Variants in ADCY8 observed in about 807,000 individuals in gnomAD.
The protein encoded by ADCY8 is adenylate cyclase type 8.
In ADCY8, 51 loss-of-function variants were observed where a neutral mutation model predicts 119.7. That is an observed-to-expected ratio of 0.43 (90% CI 0.34 to 0.54). The LOEUF (loss-of-function observed/expected upper bound fraction) is 0.54, where lower values mean the gene tolerates loss of function less well. Ranked by LOEUF, ADCY8 falls within the 20% of genes least tolerant of loss-of-function variation. ADCY8 has a pLI of 0.03. For synonymous variants in ADCY8, 665 were observed against 651.0 expected (o/e 1.02, Z -0.33); for missense variants, 1,383 against 1,598.8 (o/e 0.87, Z 2.30).
At chr8:131,021,170 G>A (rs1324494915) in intron 1 of ADCY8, among the ~76,000 whole-genome samples, 1 of 152,108 alleles carries the variant, frequency 6.6e-6, no homozygotes, top group Non-Finnish European at 1.5e-5. Context: ...TGGTAAAGGA[G>A]AACTAAAACA....
chr8:131,021,167 G>T (rs1351805663), intron 1 of ADCY8, among the ~76,000 whole-genome samples: 1 of 152,128 alleles, frequency 6.6e-6, no homozygotes, highest in African/African-American at 2.4e-5. Context: ...TATTGGTAAA[G>T]GAGAACTAAA....
chr8:130,976,013 G>T (rs1383908844), intron 2 of ADCY8, among the ~76,000 whole-genome samples: 1 of 138,756 alleles, frequency 7.2e-6, no homozygotes, highest in African/African-American at 3.2e-5. Flanking sequence ...TATTACTTCA[G>T]TATGCTAAAA....
rs187621221 is a variant in ADCY8, at chr8:131,016,789, C to T, written c.960+22585G>A. Among the ~76,000 whole-genome samples, 10 of 152,110 alleles carry T rather than the reference C, an allele frequency of 6.6e-5. No homozygotes were observed. The East Asian group carries it at 7.8e-4, about 12-fold the overall frequency. On this transcript the variant is annotated intron_variant, in intron 1 of 17. Transcript: ENST00000286355. ...CCATTGTAGGGACACTGGCTCGACC[C>T]GGCATGAGATGAGGAGTCCTTCTAG... is the stretch of plus-strand genomic sequence containing the variant.
rs567237924 is a variant in ADCY8 at position 130,829,805 on chromosome 8, T to C, written c.2675+6472A>G. ...AGCCACCCAAATCCAATGCCACTTATCCTAAAAGGAATGTTACTTCTATAT... is the reference window on the plus strand; with the variant it reads ...AGCCACCCAAATCCAATGCCACTTACCCTAAAAGGAATGTTACTTCTATAT... On this transcript the variant is annotated intron_variant, in intron 12 of 17. Coordinates refer to ENST00000286355, the MANE Select transcript of ADCY8 (RefSeq NM_001115.3). 9.2e-5 allele frequency among the ~76,000 whole-genome samples: 14 copies of C among 152,342 alleles called. 1 individual carries two copies. The Middle Eastern group carries it at 0.017, about 185-fold the overall frequency.
intron 13 of ADCY8, among the ~76,000 whole-genome samples, chr8:130,818,914 C>T (rs1816426453): frequency 6.6e-6 from 1 of 152,212 alleles, no homozygotes; most frequent in African/African-American, 2.4e-5. Flanking sequence ...ACTTCAATCT[C>T]TGTTCTTGTC....
intron 1 of ADCY8, among the ~76,000 whole-genome samples, chr8:131,003,930 G>C (rs1823032960): frequency 6.6e-6 from 1 of 152,132 alleles, no homozygotes; most frequent in South Asian, 2.1e-4. Flanking sequence ...TATGTGGTTG[G>C]CTAAGCCTCA....
intron 11 of ADCY8, 118 bp downstream of exon 11, chr8:130,847,306 G>T: frequency 3.0e-6 from 2 of 660,344 alleles, no homozygotes; most frequent in South Asian, 2.1e-5. Context: ...AGAGGCAGAA[G>T]AAGGAAAACA....
chr8:130,904,765 T>C (rs536532616), intron 6 of ADCY8, among the ~76,000 whole-genome samples: 1 of 152,198 alleles, frequency 6.6e-6, no homozygotes, highest in Non-Finnish European at 1.5e-5. Flanking sequence ...AGGCTTCTTT[T>C]TTAGCAAAAT....
At chr8:130,813,712 A>G (rs1414257400) in intron 14 of ADCY8, among the ~76,000 whole-genome samples, 1 of 152,000 alleles carries the variant, frequency 6.6e-6, no homozygotes, top group African/African-American at 2.4e-5. Flanking sequence ...TGTCTTTGAG[A>G]CCCTTTTTTC....
intron 9 of ADCY8, among the ~76,000 whole-genome samples, chr8:130,855,726 C>T (rs951258769): frequency 8.5e-5 from 13 of 152,088 alleles, no homozygotes; most frequent in Admixed American, 5.9e-4. Flanking sequence ...CTCTCTCATC[C>T]CCCACATCCA....
At chr8:130,902,692 A>C (rs1379238167) in intron 7 of ADCY8, among the ~76,000 whole-genome samples, 4 of 152,164 alleles carry the variant, frequency 2.6e-5, no homozygotes, top group Non-Finnish European at 5.9e-5. Flanking sequence ...GATTTTTCTT[A>C]TCTATAAGTT....
At chr8:131,028,057 A>T (rs1823874592) in intron 1 of ADCY8, among the ~76,000 whole-genome samples, 2 of 152,228 alleles carry the variant, frequency 1.3e-5, no homozygotes, top group African/African-American at 4.8e-5. Context: ...GTAAAGGGCC[A>T]TGCCCTCAGA....
intron 1 of ADCY8, among the ~76,000 whole-genome samples, chr8:130,997,653 T>G (rs1822821291): frequency 6.6e-6 from 1 of 152,202 alleles, no homozygotes; most frequent in Non-Finnish European, 1.5e-5. Flanking sequence ...AAAATAAGTG[T>G]TTGGGTTTTA....
chr8:131,020,765 C>T (rs1823640097), intron 1 of ADCY8, among the ~76,000 whole-genome samples: 1 of 152,160 alleles, frequency 6.6e-6, no homozygotes. Context: ...TAAGCACCCT[C>T]GGGGACTACT....
chr8:130,785,569 C>T, intron 15 of ADCY8, 94 bp from the exon 16 acceptor site: 1 of 775,034 alleles, frequency 1.3e-6, no homozygotes, highest in Middle Eastern at 2.6e-4. Context: ...CAATGAGCTA[C>T]CTCTGATGGT....
chr8:130,922,208 C>CTTT (rs751799584), intron 5 of ADCY8, among the ~76,000 whole-genome samples: 3 of 129,044 alleles, frequency 2.3e-5, no homozygotes, highest in African/African-American at 5.7e-5. Context: ...AATTCCCTTT[C>CTTT]TTTTTTTTTT....
At chr8:130,872,596 T>C (rs762813136) in intron 8 of ADCY8, among the ~76,000 whole-genome samples, 29 of 152,316 alleles carry the variant, frequency 1.9e-4, no homozygotes, top group Non-Finnish European at 3.7e-4. Flanking sequence ...GGGCAAAGAA[T>C]GGACATTAGA....
chr8:130,852,718 C>T (rs752846079), intron 9 of ADCY8, among the ~76,000 whole-genome samples: 3 of 152,026 alleles, frequency 2.0e-5, no homozygotes, highest in Admixed American at 6.5e-5. Flanking sequence ...GCTCTTGGCT[C>T]TCTCTCCTGC....
intron 9 of ADCY8, among the ~76,000 whole-genome samples, chr8:130,864,991 G>A (rs773220894): frequency 4.6e-5 from 7 of 152,078 alleles, no homozygotes; most frequent in Non-Finnish European, 8.8e-5. Context: ...TATCACTCTG[G>A]CTGGGAGTTA....
Sources: gnomAD v4.1 joint callset for allele counts (sites outside exome capture counted in the v4.1 genomes callset) on GRCh38, gnomAD v4.1.1 for gene constraint, MANE v1.5 for transcripts, NCBI Gene and HGNC (gene_info 2026-07-23, HGNC 2026-07-21) for gene names.